ABCA8: variants seen among roughly 807,000 people sequenced by gnomAD.
The protein encoded by ABCA8 is ABC-type organic anion transporter ABCA8.
ABCA8 carries 177 observed loss-of-function variants against 192.3 expected under a neutral mutation model. That is an observed-to-expected ratio of 0.92 (90% CI 0.81 to 1.04). The LOEUF (loss-of-function observed/expected upper bound fraction) is 1.04. ABCA8 is among the 50% of genes least tolerant of loss of function. The pLI, the probability that ABCA8 is intolerant of heterozygous loss-of-function variation, is 0.00. For synonymous variants in ABCA8, 642 were observed against 690.2 expected (o/e 0.93, Z 1.09); for missense variants, 1,915 against 1,904.8 (o/e 1.01, Z -0.10).
chr17:68,869,373 A>T (rs1036131645), intron 38 of ABCA8, among the ~76,000 whole-genome samples: 1 of 152,198 alleles, frequency 6.6e-6, no homozygotes, highest in Admixed American at 6.5e-5. Flanking sequence ...TTTAATTTTA[A>T]ATATGTATGC....
At chr17:68,885,806 T>C (rs573835861) in intron 26 of ABCA8, among the ~76,000 whole-genome samples, 1 of 152,268 alleles carries the variant, frequency 6.6e-6, no homozygotes, top group African/African-American at 2.4e-5. Context: ...GACCTAGGCC[T>C]TCCAAAGTGC....
rs752572455 is a variant in ABCA8 at position 68,881,913 on chromosome 17, T to C, written c.3896A>G (p.Lys1299Arg). 1 of 1,614,152 alleles carries C rather than the reference T, an allele frequency of 6.2e-7. No individual in the cohort carries two copies. Among genetic ancestry groups the C allele is most frequent in the South Asian group, 1.1e-5 (1 of 91,082 alleles). Reference protein sequence around the residue: ...YAGKRKGCFSKRKNKIATRNV... With the variant: ...YAGKRKGCFSRRKNKIATRNV... ...TCTCGTGGCTATCTTATTCTTCCTC[T>C]TGGAAAAACAGCCTTTCCTCTTCCC... The change falls in exon 31 of 40, where the codon AAG becomes AGG. Residue 1299 changes from lysine to arginine, a missense_variant. Transcript: ENST00000586539.
In ABCA8 at chr17:68,875,393, C is replaced by T. The variant is rs776955623; in HGVS notation, c.4498G>A (p.Gly1500Ser). The T allele has an allele frequency of 7.9e-5, 128 of 1,613,514 alleles. No homozygotes were observed. Among genetic ancestry groups the T allele is most frequent in the Non-Finnish European group, 9.9e-5 (117 of 1,179,928 alleles). The part of the protein sequence containing the change: ...IMVSGRLRCI[G>S]SIQHLKSKFG... ...TTGCTTTTCAGGTGTTGGATGGAAC[C>T]GATACATCTGGAGGATGAGGTCATA... Residue 1500 changes from glycine to serine, a missense_variant, in exon 37 of 40, where the codon GGT becomes AGT. Physicochemically the swap from Gly to Ser is moderately conservative, Grantham distance 56 (BLOSUM62 0). Coordinates refer to ENST00000586539, the MANE Select transcript of ABCA8 (RefSeq NM_001288985.2).
intron 33 of ABCA8, among the ~76,000 whole-genome samples, chr17:68,877,013 TA>T (rs2066225147): frequency 6.6e-6 from 1 of 152,180 alleles, no homozygotes; most frequent in Admixed American, 6.5e-5. Flanking sequence ...TTATTATTAT[TA>T]TTTTTTTGAG....
At chr17:68,919,769 G>A in intron 13 of ABCA8, 1 of 200,886 alleles carries the variant, frequency 5.0e-6, no homozygotes, top group Non-Finnish European at 1.0e-5. Context: ...CTAGTGATTT[G>A]TCTTTGCTTG....
In ABCA8 at chr17:68,949,337, C is replaced by A. The variant is rs544835929; in HGVS notation, c.-31G>T. 6.6e-6 allele frequency: 1 copy of A among 152,250 alleles called. No homozygotes were observed. Among genetic ancestry groups the A allele is most frequent in the South Asian group, 2.1e-4 (1 of 4,822 alleles). 9.4% of individuals were successfully genotyped at this position (152,250 alleles called of 1,614,324 possible). A position where few individuals can be genotyped will look rare whatever the true frequency, so the allele number is the denominator to read the frequency against. ...CAATCAAAAAAAGCCCAGGACCAGA[C>A]AGATTCACAGCTGAATTCTACCAGT... is the stretch of plus-strand genomic sequence containing the variant. On this transcript the variant is annotated 5_prime_UTR_variant, in exon 2 of 40. Coordinates refer to ENST00000586539, the MANE Select transcript of ABCA8 (RefSeq NM_001288985.2).
Position 68,928,998 on chromosome 17 carries a change from G to A in ABCA8, c.1125+51C>T, listed in dbSNP as rs748348920. 2.3e-6 allele frequency: 3 copies of A among 1,333,140 alleles called. No individual in the cohort carries two copies. The African/African-American group carries it at 4.5e-5, about 20-fold the overall frequency. 82.6% of individuals were successfully genotyped at this position (1,333,140 alleles called of 1,614,324 possible). On this transcript the variant is annotated intron_variant, in intron 9 of 39. Coordinates refer to ENST00000586539, the MANE Select transcript of ABCA8 (RefSeq NM_001288985.2). ...ATGATTACAGCCTATGGATTCCAGA[G>A]GGACAGATGTTTCAGAAATGCCATT...
In ABCA8 at chr17:68,911,476, G is replaced by A. The variant is rs939581310; in HGVS notation, c.2139-3597C>T. Among the ~76,000 whole-genome samples, 1 of 152,078 alleles carries A rather than the reference G, an allele frequency of 6.6e-6. No individual in the cohort carries two copies. Among genetic ancestry groups the A allele is most frequent in the African/African-American group, 2.4e-5 (1 of 41,376 alleles). On this transcript the variant is annotated intron_variant, in intron 17 of 39. Coordinates refer to ENST00000586539, the MANE Select transcript of ABCA8 (RefSeq NM_001288985.2). The surrounding 1 kb of genome is among the most constrained non-coding windows in gnomAD (Gnocchi z 5.7). ...GACTCCAGGTCCTTCCTCCCAGAAGGCATTTCTGGACCCACCCTGGGCCAG... is the reference window on the plus strand; with the variant it reads ...GACTCCAGGTCCTTCCTCCCAGAAGACATTTCTGGACCCACCCTGGGCCAG...
chr17:68,904,268 C>T (rs7210022), intron 19 of ABCA8, among the ~76,000 whole-genome samples: 1 of 148,742 alleles, frequency 6.7e-6, no homozygotes. Flanking sequence ...GGTGACAGAG[C>T]GAGACTCCAT....
At chr17:68,916,460 C>T (rs991429159) in intron 17 of ABCA8, among the ~76,000 whole-genome samples, 9 of 152,032 alleles carry the variant, frequency 5.9e-5, no homozygotes, top group East Asian at 3.9e-4. Flanking sequence ...TATTATGTAC[C>T]GTATGCCTGT....
chr17:68,946,424 A>G (rs911080772), intron 2 of ABCA8, among the ~76,000 whole-genome samples: 8 of 152,176 alleles, frequency 5.3e-5, no homozygotes, highest in Admixed American at 5.2e-4. Context: ...CTCCATTCAC[A>G]ATGACATAAG....
chr17:68,894,683 A>T, intron 22 of ABCA8, 197 bp downstream of exon 22: 2 of 588,684 alleles, frequency 3.4e-6, no homozygotes, highest in African/African-American at 1.9e-5. Context: ...ATTCTATAGT[A>T]TGTATTTTGC....
At chr17:68,915,653 G>A (rs1011833977) in intron 17 of ABCA8, among the ~76,000 whole-genome samples, 6 of 152,116 alleles carry the variant, frequency 3.9e-5, no homozygotes, top group African/African-American at 1.4e-4. Flanking sequence ...GTGGAGAAAA[G>A]GGAATCATCG....
intron 17 of ABCA8, among the ~76,000 whole-genome samples, chr17:68,914,193 T>A (rs1032822593): frequency 1.3e-5 from 2 of 152,066 alleles, no homozygotes; most frequent in African/African-American, 4.8e-5. Flanking sequence ...ACAGATAGTA[T>A]CATACTCAAT....
intron 24 of ABCA8, among the ~76,000 whole-genome samples, chr17:68,890,249 T>C (rs2066591558): frequency 6.6e-6 from 1 of 152,180 alleles, no homozygotes; most frequent in African/African-American, 2.4e-5. Flanking sequence ...ATTAGTTTTA[T>C]TGAGTGTGTA....
At chr17:68,901,482 C>T (rs2066910091) in intron 21 of ABCA8, among the ~76,000 whole-genome samples, 1 of 152,112 alleles carries the variant, frequency 6.6e-6, no homozygotes, top group Admixed American at 6.5e-5. Flanking sequence ...TAAGTGTTGG[C>T]AAGCATACGT....
chr17:68,868,776 T>C (rs2065976995), intron 38 of ABCA8, among the ~76,000 whole-genome samples: 1 of 152,140 alleles, frequency 6.6e-6, no homozygotes, highest in South Asian at 2.1e-4. Flanking sequence ...CCAAAAACCA[T>C]TGCAGCTTCC....
At position 68,929,170 on chromosome 17, in the gene ABCA8, A is replaced by G. The variant is rs367620426; in HGVS notation, c.1004T>C (p.Phe335Ser). The G allele has an allele frequency of 3.7e-6, 6 of 1,611,266 alleles. No individual in the cohort carries two copies. The African/African-American group carries it at 6.7e-5, about 18-fold the overall frequency. Residue 335 changes from phenylalanine to serine, a missense_variant, in exon 9 of 40, where the codon TTC (phenylalanine) becomes TCC (serine). By Grantham distance (155) the Phe-to-Ser change is radical. Coordinates refer to ENST00000586539, the MANE Select transcript of ABCA8 (RefSeq NM_001288985.2). ...ACACCCCCAAAAGACAGTGAGGAGG[A>G]ACACGACCAGGCCGGTGAGGAAAGA... ...KKSFLTGLVV[F>S]LLTVFWGCLG...
chr17:68,907,888 C>CAA lies in ABCA8; in HGVS notation c.2139-10_2139-9insTT, dbSNP rs751407137. On this transcript the variant is annotated splice_polypyrimidine_tract_variant and intron_variant, in intron 17 of 39. Coordinates refer to ENST00000586539, the MANE Select transcript of ABCA8 (RefSeq NM_001288985.2). ...TTTCATTTAACTGCAAGCTGGCATTCAGAAAAAAAAAAAAAGACATATGTT... is the reference window on the plus strand; with the variant it reads ...TTTCATTTAACTGCAAGCTGGCATTCAAAGAAAAAAAAAAAAAGACATATGTT... The CAA allele has an allele frequency of 5.4e-6, 8 of 1,470,204 alleles. No individual in the cohort carries two copies. The highest frequency in any genetic ancestry group is 4.8e-5 in the Admixed American group (2 of 41,412). 91.1% of individuals were successfully genotyped at this position (1,470,204 alleles called of 1,614,324 possible).
Sources: allele counts gnomAD v4.1 joint callset (sites outside exome capture counted in the v4.1 genomes callset), GRCh38; gene constraint gnomAD v4.1.1; non-coding constraint Gnocchi (gnomAD v3.1); transcripts MANE v1.5; gene names NCBI Gene and HGNC (gene_info 2026-07-23, HGNC 2026-07-21).